The following MIDN variants were observed in gnomAD, a reference collection of about 807,000 sequenced individuals.
The protein encoded by MIDN is midnolin.
A neutral mutation model predicts 46.1 loss-of-function variants in MIDN; 26 were observed. The observed-to-expected ratio is 0.56, with a 90% CI of 0.41 to 0.78. The LOEUF is 0.78. Ranked by LOEUF, MIDN falls within the 30% of genes least tolerant of loss-of-function variation. The probability of loss-of-function intolerance (pLI) is 0.00; values close to 1 mark genes in which losing one functional copy is unlikely to be tolerated. For synonymous variants in MIDN, 432 were observed against 343.3 expected (o/e 1.26, Z -2.86); for missense variants, 850 against 771.8 (o/e 1.10, Z -1.20).
Position 1,255,513 on chromosome 19 carries a change from C to T in MIDN, c.1077C>T (p.Ala359=). The change falls in exon 8 of 9, where the codon GCC becomes GCT. Residue 359 remains alanine, a synonymous_variant. Transcript: ENST00000682408. ...AGATCCTGAACGACCTCCTGAGCGC[C>T]ACCCGGCACTACCAGGGCATGCCCC... ...ILQILNDLLS[A]TRHYQGMPPS... is the part of the protein sequence containing the mutation. 1 of 1,611,888 alleles carries T rather than the reference C, an allele frequency of 6.2e-7. No homozygotes were observed. Among genetic ancestry groups the T allele is most frequent in the Non-Finnish European group, 8.5e-7 (1 of 1,179,546 alleles).
At chr19:1,252,845 CACA>C (rs2081148788) in intron 4 of MIDN, among the ~76,000 whole-genome samples, 2 of 151,942 alleles carry the variant, frequency 1.3e-5, no homozygotes, top group African/African-American at 2.4e-5. Flanking sequence ...TGGGGGTGGC[CACA>C]GCAGCAGCAG....
intron 4 of MIDN, among the ~76,000 whole-genome samples, chr19:1,253,455 G>A (rs889179493): frequency 7.4e-5 from 11 of 148,556 alleles, no homozygotes; most frequent in Non-Finnish European, 1.5e-4. Flanking sequence ...GGGGAGAGCA[G>A]GGCTCTGGCC....
intron 2 of MIDN, among the ~76,000 whole-genome samples, chr19:1,250,828 G>A (rs2081116931): frequency 6.6e-6 from 1 of 151,898 alleles, no homozygotes; most frequent in Non-Finnish European, 1.5e-5. Flanking sequence ...GGCCGCCACC[G>A]CCCCCTCCCG....
chr19:1,252,607 A>G (rs1311711747), intron 4 of MIDN, among the ~76,000 whole-genome samples: 2 of 151,088 alleles, frequency 1.3e-5, no homozygotes, highest in African/African-American at 4.9e-5. Flanking sequence ...TTCCTCAGAC[A>G]AGGGCCCTGG....
At position 1,258,765 on chromosome 19, in the gene MIDN, T is replaced by A. The variant is rs2081232222; in HGVS notation, c.*1493T>A. ...TCCCAGAGGGTAGAGCTCAAGGATT[T>A]TGGGTTTTGTTTTGTTTTCATTTTT... On this transcript the variant is annotated 3_prime_UTR_variant, in exon 9 of 9. Transcript: ENST00000682408. 1 of 151,850 alleles carries A rather than the reference T, an allele frequency of 6.6e-6. No individual in the cohort carries two copies. The highest frequency in any genetic ancestry group is 2.4e-5 in the African/African-American group (1 of 41,284). 9.4% of individuals were successfully genotyped at this position (151,850 alleles called of 1,614,324 possible). A position where few individuals can be genotyped will look rare whatever the true frequency, so the allele number is the denominator to read the frequency against.
intron 1 of MIDN, 93 bp from the exon 2 acceptor site, chr19:1,249,797 G>T (rs2081100483): frequency 6.6e-6 from 1 of 151,104 alleles, no homozygotes; most frequent in Non-Finnish European, 1.5e-5. Flanking sequence ...CGCCCGGCCG[G>T]CGGAGTAAGT....
At position 1,257,541 on chromosome 19, in the gene MIDN, C is replaced by CT. The variant is rs2081216016; in HGVS notation, c.*270dup. On this transcript the variant is annotated 3_prime_UTR_variant, in exon 9 of 9. Coordinates refer to ENST00000682408, the MANE Select transcript of MIDN (RefSeq NM_001388306.1). ...CTTCCTCCTCCTCCTCCTCCTCCGT[C>CT]TGTCTCCTTTCACCTCTGCGCCAGG... The CT allele has an allele frequency of 6.9e-6, 3 of 433,618 alleles. No homozygotes were observed. In the East Asian group the frequency reaches 1.3e-4, roughly 18 times the overall value. 26.9% of individuals were successfully genotyped at this position (433,618 alleles called of 1,614,324 possible).
At position 1,255,669 on chromosome 19, in the gene MIDN, C is replaced by G; in HGVS notation, c.1233C>G (p.Ser411Arg). The stretch of plus-strand genomic sequence containing the variant: ...CAGCCTCCCTGCTGCAGGGCCAGAG[C>G]CAGATCCGCATGTGCAAGCCCCCGG... ...APSASLLQGQ[S>R]QIRMCKPPGD... Residue 411 changes from serine to arginine, a missense_variant, in exon 8 of 9, where the codon AGC (serine) becomes AGG (arginine). By Grantham distance (110) the Ser-to-Arg change is moderately radical (BLOSUM62 -1). Transcript: ENST00000682408. 1 of 1,595,702 alleles carries G rather than the reference C, an allele frequency of 6.3e-7. No homozygotes were observed. Among genetic ancestry groups the G allele is most frequent in the African/African-American group, 1.3e-5 (1 of 74,870 alleles).
chr19:1,252,529 C>T (rs139695786), intron 4 of MIDN, among the ~76,000 whole-genome samples: 64 of 151,932 alleles, frequency 4.2e-4, no homozygotes, highest in African/African-American at 1.4e-3. Flanking sequence ...CACCCGGTTC[C>T]CGGTTTTGCT....
At position 1,257,572 on chromosome 19, in the gene MIDN, C is replaced by A; in HGVS notation, c.*300C>A. Reference sequence around the variant, plus strand: ...CCTTTCACCTCTGCGCCAGGTCGGTCCTCCCTGCCAACCTTCCCCAGCTCC... The same window carrying A: ...CCTTTCACCTCTGCGCCAGGTCGGTACTCCCTGCCAACCTTCCCCAGCTCC... On this transcript the variant is annotated 3_prime_UTR_variant, in exon 9 of 9. Transcript: ENST00000682408. The A allele has an allele frequency of 5.8e-6, 2 of 347,556 alleles. No homozygotes were observed. Among genetic ancestry groups the A allele is most frequent in the South Asian group, 4.6e-5 (1 of 21,508 alleles). The allele number at this position is 347,556 out of a possible 1,614,324, so 21.5% of individuals were successfully genotyped here.
rs1246817895 is a variant in MIDN at position 1,250,673 on chromosome 19, G to C, written c.233+144G>C. On this transcript the variant is annotated intron_variant, in intron 2 of 8. Transcript: ENST00000682408. ...CGCGCTCTCGGGCGCCCTCTGCTCG[G>C]CCTCGCCTGCCTCGGCCCCCTCCCC... The C allele has an allele frequency of 4.3e-5, 10 of 232,986 alleles. No homozygotes were observed. In the East Asian group the frequency reaches 1.4e-3, roughly 34 times the overall value. The allele number at this position is 232,986 out of a possible 1,614,324, so 14.4% of individuals were successfully genotyped here. A position where few individuals can be genotyped will look rare whatever the true frequency, so the allele number is the denominator to read the frequency against.
In MIDN at chr19:1,257,345, G is replaced by C; in HGVS notation, c.*73G>C. On this transcript the variant is annotated 3_prime_UTR_variant, in exon 9 of 9. Coordinates refer to ENST00000682408, the MANE Select transcript of MIDN (RefSeq NM_001388306.1). ...GCGGGGACTCCGAGAGCCCCGGAGA[G>C]AACGTGGCCCAGCCCTGGAGGGCAG... 1 of 1,354,252 alleles carries C rather than the reference G, an allele frequency of 7.4e-7. No homozygotes were observed. The highest frequency in any genetic ancestry group is 1.2e-5 in the South Asian group (1 of 81,908). The allele number at this position is 1,354,252 out of a possible 1,614,324, so 83.9% of individuals were successfully genotyped here. A position where few individuals can be genotyped will look rare whatever the true frequency, so the allele number is the denominator to read the frequency against.
chr19:1,253,680 A>G, intron 4 of MIDN: 1 of 181,492 alleles, frequency 5.5e-6, no homozygotes, highest in Non-Finnish European at 1.2e-5. Context: ...GAGAAAGCAA[A>G]GGTTAGGACA....
At position 1,257,373 on chromosome 19, in the gene MIDN, G is replaced by T; in HGVS notation, c.*101G>T. 1.1e-6 allele frequency: 1 copy of T among 876,466 alleles called. No homozygotes were observed. The highest frequency in any genetic ancestry group is 1.8e-6 in the Non-Finnish European group (1 of 550,100). 54.3% of individuals were successfully genotyped at this position (876,466 alleles called of 1,614,324 possible). On this transcript the variant is annotated 3_prime_UTR_variant, in exon 9 of 9. Coordinates refer to ENST00000682408, the MANE Select transcript of MIDN (RefSeq NM_001388306.1). ...CGTGGCCCAGCCCTGGAGGGCAGGC[G>T]GCCACTCCCCCAGCCAGAAGTCTTT...
chr19:1,250,567 G>T, intron 2 of MIDN, 38 bp downstream of exon 2: 1 of 1,087,906 alleles, frequency 9.2e-7, no homozygotes. Context: ...GCCCCCTCGG[G>T]CCCCGGCCCC....
intron 2 of MIDN, 23 bp downstream of exon 2, chr19:1,250,552 C>A: frequency 6.0e-6 from 7 of 1,161,058 alleles, no homozygotes; most frequent in Non-Finnish European, 7.6e-6. Context: ...CGCCCCCGGC[C>A]GGCCGCCCCC....
In MIDN at chr19:1,254,409, C is replaced by G. The variant is rs1215906101; in HGVS notation, c.756C>G (p.Ser252=). The G allele has an allele frequency of 6.4e-7, 1 of 1,565,112 alleles. No individual in the cohort carries two copies. The highest frequency in any genetic ancestry group is 8.6e-7 in the Non-Finnish European group (1 of 1,162,506). Residue 252 remains serine, a synonymous_variant, in exon 6 of 9, where the codon TCC becomes TCG. Coordinates refer to ENST00000682408, the MANE Select transcript of MIDN (RefSeq NM_001388306.1). ...ARVPPVPTSP[S]PASPSPITAG... is the part of the protein sequence containing the mutation. ...TCCCCCCGGTGCCCACCAGCCCGTC[C>G]CCTGCATCTCCCTCGCCCATCACAG...
chr19:1,257,624 G>A lies in MIDN; in HGVS notation c.*352G>A, dbSNP rs906963810. On this transcript the variant is annotated 3_prime_UTR_variant, in exon 9 of 9. Coordinates refer to ENST00000682408, the MANE Select transcript of MIDN (RefSeq NM_001388306.1). ...ATATGTAGCAGTCTCTCTGGATGGC[G>A]GAGAGTGAAGGAGACGGAGAAACGC... is the stretch of plus-strand genomic sequence containing the variant. 1.2e-5 allele frequency: 3 copies of A among 249,068 alleles called. No individual in the cohort carries two copies. Among genetic ancestry groups the A allele is most frequent in the South Asian group, 7.1e-5 (1 of 14,168 alleles). 15.4% of individuals were successfully genotyped at this position (249,068 alleles called of 1,614,324 possible).
Position 1,257,569 on chromosome 19 carries a change from G to C in MIDN, c.*297G>C. On this transcript the variant is annotated 3_prime_UTR_variant, in exon 9 of 9. Transcript: ENST00000682408. ...TCTCCTTTCACCTCTGCGCCAGGTC[G>C]GTCCTCCCTGCCAACCTTCCCCAGC... 2.9e-6 allele frequency: 1 copy of C among 350,736 alleles called. No homozygotes were observed. Among genetic ancestry groups the C allele is most frequent in the South Asian group, 4.6e-5 (1 of 21,718 alleles). The allele number at this position is 350,736 out of a possible 1,614,324, so 21.7% of individuals were successfully genotyped here.
Sources: gnomAD v4.1 joint callset for allele counts (sites outside exome capture counted in the v4.1 genomes callset) on GRCh38, gnomAD v4.1.1 for gene constraint, MANE v1.5 for transcripts, NCBI Gene and HGNC (gene_info 2026-07-23, HGNC 2026-07-21) for gene names.